ANKS1B: variants seen among roughly 807,000 people sequenced by gnomAD.
ANKS1B encodes ankyrin repeat and sterile alpha motif domain containing 1B.
Under a neutral mutation model 148.3 loss-of-function variants are expected in ANKS1B, and 36 were observed. The observed-to-expected ratio is 0.24, with a 90% CI of 0.19 to 0.32. ANKS1B has a LOEUF of 0.32. ANKS1B is among the 10% of genes least tolerant of loss of function. The pLI, the probability that ANKS1B is intolerant of heterozygous loss-of-function variation, is 1.00. For synonymous variants in ANKS1B, 542 were observed against 560.8 expected, an observed-to-expected ratio of 0.97 and a Z score of 0.47; for missense variants, 1,157 against 1,542.6, an observed-to-expected ratio of 0.75 and a Z score of 4.19.
chr12:99,271,646 G>A (rs1257096772), intron 12 of ANKS1B, among the ~76,000 whole-genome samples: 1 of 103,116 alleles, frequency 9.7e-6, no homozygotes, highest in Non-Finnish European at 2.0e-5. Flanking sequence ...TATTCAGTCA[G>A]TAGTCAGTCA....
intron 9 of ANKS1B, among the ~76,000 whole-genome samples, chr12:99,568,170 G>A (rs1280364092): frequency 6.6e-6 from 1 of 152,236 alleles, no homozygotes; most frequent in Non-Finnish European, 1.5e-5. Flanking sequence ...CAGCAGGGAT[G>A]CATTCCTTCT....
intron 12 of ANKS1B, among the ~76,000 whole-genome samples, chr12:99,351,101 A>C (rs947105358): frequency 2.6e-5 from 4 of 152,072 alleles, no homozygotes; most frequent in Non-Finnish European, 5.9e-5. Flanking sequence ...TTTGGAAAAA[A>C]TCTTGGTATT....
intron 1 of ANKS1B, among the ~76,000 whole-genome samples, chr12:99,829,779 G>A (rs534755896): frequency 1.2e-4 from 18 of 152,238 alleles, no homozygotes; most frequent in Middle Eastern, 3.4e-3. Flanking sequence ...GCAGTGAGGC[G>A]AGATCACGCC....
intron 9 of ANKS1B, among the ~76,000 whole-genome samples, chr12:99,511,982 C>A (rs1488817203): frequency 6.6e-6 from 1 of 152,002 alleles, no homozygotes; most frequent in Non-Finnish European, 1.5e-5. Context: ...CTAGGCAATA[C>A]CATTCAGGAC....
chr12:99,798,388 G>A (rs2066499672), intron 4 of ANKS1B, among the ~76,000 whole-genome samples: 1 of 143,536 alleles, frequency 7.0e-6, no homozygotes, highest in Non-Finnish European at 1.5e-5. Context: ...CTAGTACCCT[G>A]TTTGGTACTT....
chr12:99,885,976 TA>T (rs1022554976), intron 1 of ANKS1B, among the ~76,000 whole-genome samples: 1 of 152,252 alleles, frequency 6.6e-6, no homozygotes, highest in Non-Finnish European at 1.5e-5. Flanking sequence ...ATGGTGTATA[TA>T]TACCACATTT....
At chr12:98,887,352 G>A (rs2099742421) in intron 17 of ANKS1B, among the ~76,000 whole-genome samples, 1 of 152,154 alleles carries the variant, frequency 6.6e-6, no homozygotes. Flanking sequence ...TGCCCTGGAA[G>A]GGGTCACAGC....
At chr12:99,657,059 T>C (rs960721863) in intron 8 of ANKS1B, among the ~76,000 whole-genome samples, 2 of 147,982 alleles carry the variant, frequency 1.4e-5, no homozygotes. Context: ...TCAGTTGCTG[T>C]CTATAAAATA....
Position 99,080,696 on chromosome 12 carries a change from T to C in ANKS1B, c.2625+4229A>G, listed in dbSNP as rs78070864. Among the ~76,000 whole-genome samples, 5 of 152,234 alleles carry C rather than the reference T, an allele frequency of 3.3e-5. No homozygotes were observed. In the East Asian group the frequency reaches 7.7e-4, roughly 24 times the overall value. On this transcript the variant is annotated intron_variant, in intron 16 of 26. Coordinates refer to ENST00000683438, the MANE Select transcript of ANKS1B (RefSeq NM_001352186.2). ...GTTTATGCCCTTTTAAAAAGGAAAATGTATTAGAGGATTATCCAAAGACTT... is the reference window on the plus strand; with the variant it reads ...GTTTATGCCCTTTTAAAAAGGAAAACGTATTAGAGGATTATCCAAAGACTT...
chr12:99,691,194 G>A (rs2098677434), intron 8 of ANKS1B, among the ~76,000 whole-genome samples: 2 of 152,172 alleles, frequency 1.3e-5, no homozygotes, highest in South Asian at 4.1e-4. Context: ...AGGGCCCTGA[G>A]CCCACCCTAC....
intron 9 of ANKS1B, among the ~76,000 whole-genome samples, chr12:99,577,613 A>G (rs2153225618): frequency 6.6e-6 from 1 of 152,206 alleles, no homozygotes; most frequent in African/African-American, 2.4e-5. Context: ...TATGCACAGA[A>G]ACTAGAAGAA....
At position 98,773,291 on chromosome 12, in the gene ANKS1B, G is replaced by GA. The variant is rs1157830252; in HGVS notation, c.3442-113dup. On this transcript the variant is annotated intron_variant, in intron 24 of 26. Transcript: ENST00000683438. Reference sequence around the variant, plus strand: ...CTTTCCTTCTTTCTGGAGTGTTCTAGACTAGCAACACTCAAAGTGGTCCAC... The same window carrying GA: ...CTTTCCTTCTTTCTGGAGTGTTCTAGAACTAGCAACACTCAAAGTGGTCCAC... 3 of 1,219,808 alleles carry GA rather than the reference G, an allele frequency of 2.5e-6. No individual in the cohort carries two copies. The African/African-American group carries it at 4.6e-5, about 19-fold the overall frequency. The allele number at this position is 1,219,808 out of a possible 1,614,324, so 75.6% of individuals were successfully genotyped here.
intron 11 of ANKS1B, among the ~76,000 whole-genome samples, chr12:99,413,180 T>C (rs1436330945): frequency 6.6e-6 from 1 of 152,210 alleles, no homozygotes. Context: ...AAGCCTATAA[T>C]GTTAGTATCA....
intron 1 of ANKS1B, among the ~76,000 whole-genome samples, chr12:99,910,774 T>C (rs1188308907): frequency 6.7e-6 from 1 of 149,966 alleles, no homozygotes; most frequent in Non-Finnish European, 1.5e-5. Flanking sequence ...ACACCCATAA[T>C]ATATGCATAT....
At chr12:98,996,162 C>G (rs2099929439) in intron 17 of ANKS1B, among the ~76,000 whole-genome samples, 2 of 151,972 alleles carry the variant, frequency 1.3e-5, no homozygotes, top group Non-Finnish European at 2.9e-5. Flanking sequence ...TATGCTAGTT[C>G]CACCTTACCA....
At position 99,351,318 on chromosome 12, in the gene ANKS1B, T is replaced by C. The variant is rs564450012; in HGVS notation, c.1756+48313A>G. Among the ~76,000 whole-genome samples, 6 of 152,236 alleles carry C rather than the reference T, an allele frequency of 3.9e-5. No individual in the cohort carries two copies. In the South Asian group the frequency reaches 1.2e-3, roughly 32 times the overall value. On this transcript the variant is annotated intron_variant, in intron 12 of 26. Coordinates refer to ENST00000683438, the MANE Select transcript of ANKS1B (RefSeq NM_001352186.2). ...TAACTATATACTAAAAAATGAGCCATTGTAAAGGAATATTTTCTTGTAATT... is the reference window on the plus strand; with the variant it reads ...TAACTATATACTAAAAAATGAGCCACTGTAAAGGAATATTTTCTTGTAATT...
At chr12:99,362,821 T>C (rs765695409) in intron 12 of ANKS1B, among the ~76,000 whole-genome samples, 1 of 152,056 alleles carries the variant, frequency 6.6e-6, no homozygotes, top group Non-Finnish European at 1.5e-5. Flanking sequence ...CTCTAAAAGA[T>C]ACATTTTATC....
intron 15 of ANKS1B, among the ~76,000 whole-genome samples, chr12:99,130,266 CTT>C (rs1229521208): frequency 6.6e-6 from 1 of 152,050 alleles, no homozygotes; most frequent in Non-Finnish European, 1.5e-5. Flanking sequence ...AAAGATGAGT[CTT>C]ATATTTAGGA....
chr12:99,799,765 T>C (rs2066716423), intron 4 of ANKS1B, among the ~76,000 whole-genome samples: 1 of 152,200 alleles, frequency 6.6e-6, no homozygotes, highest in East Asian at 1.9e-4. Flanking sequence ...GGCAGAGGCC[T>C]GGAGGTAGGA....
Sources: gnomAD v4.1 joint callset for allele counts (sites outside exome capture counted in the v4.1 genomes callset) on GRCh38, gnomAD v4.1.1 for gene constraint, MANE v1.5 for transcripts, NCBI Gene and HGNC (gene_info 2026-07-23, HGNC 2026-07-21) for gene names.